The following OCA2 variants were observed in gnomAD, a reference collection of about 807,000 sequenced individuals.
OCA2 encodes the protein P protein.
Under a neutral mutation model 100.2 loss-of-function variants are expected in OCA2, and 77 were observed. That is an observed-to-expected ratio of 0.77 (90% CI 0.64 to 0.93). The LOEUF (loss-of-function observed/expected upper bound fraction) is 0.93. OCA2 is among the 40% of genes least tolerant of loss of function. The pLI, the probability that OCA2 is intolerant of heterozygous loss-of-function variation, is 0.00. For synonymous variants in OCA2, 432 were observed against 439.2 expected (o/e 0.98, Z 0.21); for missense variants, 1,062 against 1,089.1 (o/e 0.98, Z 0.35).
intron 23 of OCA2, among the ~76,000 whole-genome samples, chr15:27,816,098 C>T (rs2034288398): frequency 6.6e-6 from 1 of 152,198 alleles, no homozygotes; most frequent in Admixed American, 6.5e-5. Context: ...TTCACCATTG[C>T]ACTCCAGCCT....
intron 23 of OCA2, among the ~76,000 whole-genome samples, chr15:27,828,656 C>T (rs1012295440): frequency 6.6e-6 from 1 of 152,076 alleles, no homozygotes; most frequent in Middle Eastern, 3.2e-3. Flanking sequence ...ACCCAACCTC[C>T]GAAAATCTGT....
chr15:27,815,861 G>T lies in OCA2; in HGVS notation c.2432+29098C>A, dbSNP rs542898806. Among the ~76,000 whole-genome samples, 6 of 152,360 alleles carry T rather than the reference G, an allele frequency of 3.9e-5. No homozygotes were observed. In the South Asian group the frequency reaches 1.2e-3, roughly 32 times the overall value. ...AAATAATCATATTCTGGCTGGGTGGGTGGCTCACGCCTATAATCCCAGCAC... is the reference window on the plus strand; with the variant it reads ...AAATAATCATATTCTGGCTGGGTGGTTGGCTCACGCCTATAATCCCAGCAC... On this transcript the variant is annotated intron_variant, in intron 23 of 23. Transcript: ENST00000354638.
chr15:27,732,225 T>C, the OCA2 span, among the ~76,000 whole-genome samples: 1 of 152,080 alleles, frequency 6.6e-6, no homozygotes, highest in African/African-American at 2.4e-5. Context: ...TGCATGAAAA[T>C]TGTGAAAATA....
At chr15:27,922,782 C>CA (rs1284436901) in intron 19 of OCA2, among the ~76,000 whole-genome samples, 1 of 150,276 alleles carries the variant, frequency 6.7e-6, no homozygotes. Flanking sequence ...AACCCACCAT[C>CA]ATTTTTTTTT....
chr15:27,896,023 A>G lies in OCA2; in HGVS notation c.2080-24101T>C, dbSNP rs374935450. 2.0e-3 allele frequency: 2,112 copies of G among 1,065,684 alleles called. 17 individuals carry two copies. The highest frequency in any genetic ancestry group is 0.012 in the South Asian group (932 of 80,106). The allele number at this position is 1,065,684 out of a possible 1,614,324, so 66.0% of individuals were successfully genotyped here. A position where few individuals can be genotyped will look rare whatever the true frequency, so the allele number is the denominator to read the frequency against. On this transcript the variant is annotated intron_variant, in intron 19 of 23. Transcript: ENST00000354638. ...ATTGTACTGGCCTGCAGGCTTCTCA[A>G]TAGGTTTGGCATGGAAAAGATCTAT... is the stretch of plus-strand genomic sequence containing the variant.
chr15:27,880,107 G>T (rs182130258), intron 19 of OCA2, among the ~76,000 whole-genome samples: 24 of 152,268 alleles, frequency 1.6e-4, no homozygotes, highest in Admixed American at 1.5e-3. Context: ...ATTAAATAGG[G>T]AATCCTATCC....
chr15:27,885,357 C>T (rs35591793), intron 19 of OCA2, among the ~76,000 whole-genome samples: 3,597 of 152,242 alleles, frequency 0.024, 73 homozygotes, highest in Middle Eastern at 0.065. Context: ...GGCAGAGACA[C>T]AAATAAATCC....
At chr15:27,874,499 A>C (rs1249641085) in intron 19 of OCA2, among the ~76,000 whole-genome samples, 1 of 152,214 alleles carries the variant, frequency 6.6e-6, no homozygotes, top group African/African-American at 2.4e-5. Flanking sequence ...GAATACGATG[A>C]AGTGATGAGA....
chr15:28,064,855 G>GT (rs35379533), intron 2 of OCA2, among the ~76,000 whole-genome samples: 208 of 144,738 alleles, frequency 1.4e-3, no homozygotes, highest in South Asian at 4.8e-3. Context: ...ATGTCTTGGG[G>GT]TTTTTTTTTT....
chr15:27,983,186 A>G (rs902087974), intron 14 of OCA2, among the ~76,000 whole-genome samples, 159 bp downstream of exon 14: 39 of 152,250 alleles, frequency 2.6e-4, no homozygotes, highest in Non-Finnish European at 5.4e-4. Context: ...TTGAAGGACC[A>G]GTCACCTAAC....
intron 2 of OCA2, among the ~76,000 whole-genome samples, chr15:28,060,454 AAAAGCAC>A (rs2043838848): frequency 6.6e-6 from 1 of 152,224 alleles, no homozygotes; most frequent in African/African-American, 2.4e-5. Flanking sequence ...GTGGGGATAG[AAAAGCAC>A]TTCCACTTAG....
chr15:27,833,212 T>C (rs1003039313), intron 23 of OCA2, among the ~76,000 whole-genome samples: 1 of 152,228 alleles, frequency 6.6e-6, no homozygotes, highest in African/African-American at 2.4e-5. Flanking sequence ...AGTTTTATCT[T>C]ATTGTTTTTC....
At chr15:27,870,683 A>AGAAGGAAG (rs1567042130) in intron 21 of OCA2, among the ~76,000 whole-genome samples, 3 of 32,164 alleles carry the variant, frequency 9.3e-5, no homozygotes, top group African/African-American at 1.8e-4. Context: ...AAGGAAGGAA[A>AGAAGGAAG]GAAGGAAGGA....
intron 18 of OCA2, chr15:27,950,414 C>T: frequency 2.6e-6 from 1 of 382,578 alleles, no homozygotes; most frequent in Non-Finnish European, 5.2e-6. Context: ...TACACTGCAG[C>T]AATTTCTAGA....
chr15:27,931,215 A>T (rs1476254585), intron 18 of OCA2, among the ~76,000 whole-genome samples: 1 of 95,008 alleles, frequency 1.1e-5, no homozygotes, highest in Non-Finnish European at 2.2e-5. Flanking sequence ...TTGTTTACGT[A>T]TTTGAGGGGA....
intron 19 of OCA2, among the ~76,000 whole-genome samples, chr15:27,885,909 A>G (rs1319888612): frequency 6.6e-6 from 1 of 152,222 alleles, no homozygotes; most frequent in East Asian, 1.9e-4. Context: ...CCACAGATAT[A>G]TATTAGAGCA....
At chr15:27,983,627 G>T in intron 13 of OCA2, 144 bp from the exon 14 acceptor site, 1 of 877,018 alleles carries the variant, frequency 1.1e-6, no homozygotes, top group Non-Finnish European at 1.9e-6. Context: ...CAGTGCTGGG[G>T]GGAATGAACA....
chr15:27,779,961 A>G (rs2032452409), intron 23 of OCA2, among the ~76,000 whole-genome samples: 1 of 152,212 alleles, frequency 6.6e-6, no homozygotes, highest in Admixed American at 6.5e-5. Flanking sequence ...ACAATACTGT[A>G]TTGTACACTC....
In OCA2 at chr15:27,803,974, G is replaced by A. The variant is rs185106036; in HGVS notation, c.2432+40985C>T. Among the ~76,000 whole-genome samples, 78 of 152,322 alleles carry A rather than the reference G, an allele frequency of 5.1e-4. No homozygotes were observed. In the Middle Eastern group the frequency reaches 0.02, roughly 40 times the overall value. Reference sequence around the variant, plus strand: ...TCCACTCATTCCACTGGGTAGAAGCGTGATGGGTATGTCAGCTATTGGATT... The same window carrying A: ...TCCACTCATTCCACTGGGTAGAAGCATGATGGGTATGTCAGCTATTGGATT... On this transcript the variant is annotated intron_variant, in intron 23 of 23. Transcript: ENST00000354638.
Sources: allele counts gnomAD v4.1 joint callset (sites outside exome capture counted in the v4.1 genomes callset), GRCh38; gene constraint gnomAD v4.1.1; transcripts MANE v1.5; gene names NCBI Gene and HGNC (gene_info 2026-07-23, HGNC 2026-07-21).